FAM228B: variants seen among roughly 807,000 people sequenced by gnomAD.
FAM228B encodes protein FAM228B.
FAM228B carries 38 observed loss-of-function variants against 42.6 expected under a neutral mutation model. The observed-to-expected ratio is 0.89, with a 90% CI of 0.69 to 1.17. The LOEUF (loss-of-function observed/expected upper bound fraction) is 1.17, where lower values mean the gene tolerates loss of function less well. Among genes scored for constraint, FAM228B ranks in the 50% most tolerant of loss-of-function variants. FAM228B has a pLI of 0.00. For missense variants in FAM228B, 344 were observed against 367.3 expected (o/e 0.94, Z 0.52); for synonymous variants, 109 against 122.3 (o/e 0.89, Z 0.72).
intron 5 of FAM228B, among the ~76,000 whole-genome samples, chr2:24,145,017 C>A (rs1164475028): frequency 6.6e-6 from 1 of 152,190 alleles, no homozygotes; most frequent in Non-Finnish European, 1.5e-5. Context: ...CTGCCAACAC[C>A]CGTGTGGACC....
intron 9 of FAM228B, chr2:24,166,054 A>AAATATATATATATATATATATATATATAT: frequency 3.3e-4 from 27 of 81,030 alleles, no homozygotes; most frequent in Non-Finnish European, 4.7e-4. Flanking sequence ...AAAAAAAAAA[A>AAATATATATATATATATATATATATATAT]ATATATATAT....
At chr2:24,125,553 T>C (rs781555465) in intron 2 of FAM228B, among the ~76,000 whole-genome samples, 20 of 151,606 alleles carry the variant, frequency 1.3e-4, no homozygotes, top group Admixed American at 5.3e-4. Flanking sequence ...TCTTTCATTC[T>C]TTCTCTCTCT....
In FAM228B at chr2:24,169,380, C is replaced by T. The variant is rs1667515536; in HGVS notation, c.*39C>T. 4.3e-6 allele frequency: 2 copies of T among 467,150 alleles called. No homozygotes were observed. Among genetic ancestry groups the T allele is most frequent in the African/African-American group, 2.0e-5 (1 of 50,032 alleles). The allele number at this position is 467,150 out of a possible 1,614,324, so 28.9% of individuals were successfully genotyped here. The stretch of plus-strand genomic sequence containing the variant: ...GGTTTCAGCAACCAAGGAGCACACA[C>T]CCTGATCCTTGATTGGTGAAAGGAT... On this transcript the variant is annotated 3_prime_UTR_variant, in exon 11 of 11. Transcript: ENST00000615575. This position sits in a 1 kb window ranked among gnomAD's most constrained non-coding sequence, Gnocchi z 4.2.
At chr2:24,115,472 CT>C in intron 3 of FAM228B, 1 of 916,156 alleles carries the variant, frequency 1.1e-6, no homozygotes. Context: ...ATTCATTCTT[CT>C]TTTTTAGTGC....
At position 24,158,215 on chromosome 2, in the gene FAM228B, C is replaced by CTTTTTTTTTTTTTTTTTTTTTTT. The variant is rs1335914110; in HGVS notation, c.687-3291_687-3290insTTTTTTTTTTTTTTTTTTTTTTT. Among the ~76,000 whole-genome samples the CTTTTTTTTTTTTTTTTTTTTTTT allele has an allele frequency of 4.4e-4, 4 of 9,176 alleles. 1 individual carries two copies. Among genetic ancestry groups the CTTTTTTTTTTTTTTTTTTTTTTT allele is most frequent in the African/African-American group, 5.5e-4 (1 of 1,816 alleles). 6.0% of individuals were successfully genotyped at this position (9,176 alleles called of 152,430 possible). ...AACCTCCTTTTTTTTTTTTTTTTTC[C>CTTTTTTTTTTTTTTTTTTTTTTT]AAAACATTGTTCCCAAGACTCTATT... is the stretch of plus-strand genomic sequence containing the variant. On this transcript the variant is annotated intron_variant, in intron 7 of 10. Transcript: ENST00000615575.
chr2:24,161,673 A>G, intron 8 of FAM228B, 60 bp downstream of exon 8: 1 of 998,248 alleles, frequency 1.0e-6, no homozygotes, highest in Non-Finnish European at 1.5e-6. Context: ...CTGTGCTGCC[A>G]TCCCCTGCCA....
intron 9 of FAM228B, chr2:24,166,069 A>ATG (rs1558397328): frequency 6.9e-6 from 1 of 145,056 alleles, no homozygotes; most frequent in African/African-American, 2.5e-5. Context: ...ATATATATAT[A>ATG]TATGTATGTA....
chr2:24,140,156 C>A (rs762128300), intron 5 of FAM228B, among the ~76,000 whole-genome samples: 1 of 152,114 alleles, frequency 6.6e-6, no homozygotes, highest in Non-Finnish European at 1.5e-5. Flanking sequence ...CTGTAAATAG[C>A]AGAGCACAGA....
chr2:24,111,273 T>G (rs1248653852), intron 3 of FAM228B, among the ~76,000 whole-genome samples: 1 of 152,202 alleles, frequency 6.6e-6, no homozygotes, highest in East Asian at 1.9e-4. Context: ...TTGCCCAGGC[T>G]GATTTCGAAC....
intron 2 of FAM228B, 26 bp downstream of exon 2, chr2:24,124,486 G>C (rs1176939657): frequency 6.8e-7 from 1 of 1,461,694 alleles, no homozygotes; most frequent in Admixed American, 2.5e-5. Flanking sequence ...TGTGGGATTT[G>C]GAGATTTTTT....
intron 2 of FAM228B, among the ~76,000 whole-genome samples, chr2:24,132,136 T>C (rs2151016319): frequency 6.6e-6 from 1 of 152,344 alleles, no homozygotes; most frequent in Middle Eastern, 3.4e-3. Flanking sequence ...TTATGTTTAT[T>C]GATTTGCATA....
At chr2:24,168,751 G>A (rs939088235) in intron 10 of FAM228B, among the ~76,000 whole-genome samples, 2 of 152,136 alleles carry the variant, frequency 1.3e-5, no homozygotes, top group African/African-American at 2.4e-5. Context: ...TGGAGAGAGA[G>A]GGGGTATAAT....
chr2:24,114,266 A>T (rs1665848826), intron 3 of FAM228B, among the ~76,000 whole-genome samples: 1 of 152,188 alleles, frequency 6.6e-6, no homozygotes, highest in African/African-American at 2.4e-5. Context: ...GACAAAAAGA[A>T]CATGAAAGGG....
chr2:24,119,458 A>G, upstream of FAM228B: 1 of 692,276 alleles, frequency 1.4e-6, no homozygotes, highest in South Asian at 1.9e-5. Context: ...TAACCTCAGC[A>G]TCCTTCCAAT....
chr2:24,167,439 G>A (rs1235259829), intron 9 of FAM228B, among the ~76,000 whole-genome samples, 188 bp from the exon 10 acceptor site: 1 of 151,500 alleles, frequency 6.6e-6, no homozygotes, highest in Non-Finnish European at 1.5e-5. Flanking sequence ...TTTGTAGGGT[G>A]TGATTTTAGA....
At chr2:24,096,741 C>G (rs1665505288) in intron 3 of FAM228B, 1 of 152,158 alleles carries the variant, frequency 6.6e-6, no homozygotes, top group Non-Finnish European at 1.5e-5. Flanking sequence ...CTTCCCCAAC[C>G]TAGCAAGGCA....
chr2:24,092,851 C>T (rs1224534550), intron 2 of FAM228B, among the ~76,000 whole-genome samples: 2 of 150,372 alleles, frequency 1.3e-5, no homozygotes, highest in South Asian at 2.1e-4. Context: ...TTCTGTGAAG[C>T]GTTTGTTTAA....
chr2:24,162,717 C>G (rs558496597), intron 8 of FAM228B, among the ~76,000 whole-genome samples: 1 of 152,216 alleles, frequency 6.6e-6, no homozygotes, highest in Admixed American at 6.5e-5. Context: ...GTGGTATATC[C>G]ATACAATGGA....
chr2:24,164,497 G>C (rs971944586), intron 9 of FAM228B, among the ~76,000 whole-genome samples, 162 bp downstream of exon 9: 2 of 152,184 alleles, frequency 1.3e-5, no homozygotes, highest in African/African-American at 4.8e-5. Context: ...CCTTTATTCA[G>C]AGGGAATGGA....
Sources: allele counts gnomAD v4.1 joint callset (sites outside exome capture counted in the v4.1 genomes callset), GRCh38; gene constraint gnomAD v4.1.1; non-coding constraint Gnocchi (gnomAD v3.1); transcripts MANE v1.5; gene names NCBI Gene and HGNC (gene_info 2026-07-23, HGNC 2026-07-21).